Variants in FGF7 observed in about 807,000 individuals in gnomAD.
FGF7 encodes fibroblast growth factor 7, also known as FGF-7.
A neutral mutation model predicts 20.5 loss-of-function variants in FGF7; 6 were observed. The ratio of observed to expected loss-of-function variants is 0.29; its 90% CI spans 0.16 to 0.58. FGF7 has a LOEUF of 0.58. Among genes scored for constraint, FGF7 ranks in the 20% least tolerant of loss-of-function variants. The probability of loss-of-function intolerance (pLI) is 0.90; values close to 1 mark genes in which losing one functional copy is unlikely to be tolerated. For missense variants in FGF7, 144 were observed against 228.8 expected, an observed-to-expected ratio of 0.63 and a Z score of 2.39; for synonymous variants, 64 against 74.7, an observed-to-expected ratio of 0.86 and a Z score of 0.74.
chr15:49,457,260 T>C (rs567590420), intron 2 of FGF7, among the ~76,000 whole-genome samples: 41 of 151,978 alleles, frequency 2.7e-4, no homozygotes, highest in Non-Finnish European at 4.3e-4. Flanking sequence ...TACTATAATA[T>C]TCCAAATGCG....
intron 2 of FGF7, among the ~76,000 whole-genome samples, chr15:49,460,315 T>C (rs1486420673): frequency 6.6e-6 from 1 of 152,172 alleles, no homozygotes; most frequent in Non-Finnish European, 1.5e-5. Context: ...TAACAATATG[T>C]TGAGACAAAC....
intron 2 of FGF7, among the ~76,000 whole-genome samples, chr15:49,479,615 T>G (rs1276860898): frequency 2.2e-5 from 3 of 137,290 alleles, no homozygotes; most frequent in Admixed American, 7.3e-5. Context: ...TTTTTTTTTT[T>G]TTTTTTTTTT....
At chr15:49,479,860 C>T (rs936430095) in intron 2 of FGF7, among the ~76,000 whole-genome samples, 8 of 152,056 alleles carry the variant, frequency 5.3e-5, no homozygotes, top group Non-Finnish European at 8.8e-5. Flanking sequence ...GTGATCCACC[C>T]GCGTTGGCCT....
intron 2 of FGF7, among the ~76,000 whole-genome samples, chr15:49,476,356 T>A (rs1312234325): frequency 6.6e-6 from 1 of 151,774 alleles, no homozygotes; most frequent in East Asian, 1.9e-4. Flanking sequence ...GATATCATAA[T>A]TAAAGTAATC....
intron 2 of FGF7, among the ~76,000 whole-genome samples, chr15:49,479,267 T>A (rs1362617728): frequency 6.6e-6 from 1 of 152,198 alleles, no homozygotes; most frequent in Non-Finnish European, 1.5e-5. Context: ...TATTTATATT[T>A]TTGAACTCTA....
Position 49,488,313 on chromosome 15 carries a change from G to A in FGF7, c.*3809G>A, listed in dbSNP as rs1170372174. On this transcript the variant is annotated 3_prime_UTR_variant, in exon 4 of 4. Coordinates refer to ENST00000267843, the MANE Select transcript of FGF7 (RefSeq NM_002009.4). ...TTCTGTACAGTATTTATTCAACCAA[G>A]CTGCTGCTTTCAATGAAGGTCACTT... 1.3e-5 allele frequency: 2 copies of A among 151,944 alleles called. No homozygotes were observed. Among genetic ancestry groups the A allele is most frequent in the Non-Finnish European group, 2.9e-5 (2 of 67,928 alleles). The allele number at this position is 151,944 out of a possible 1,614,324, so 9.4% of individuals were successfully genotyped here.
intron 2 of FGF7, among the ~76,000 whole-genome samples, chr15:49,477,286 C>T (rs554183967): frequency 6.6e-5 from 10 of 152,254 alleles, no homozygotes; most frequent in South Asian, 6.2e-4. Flanking sequence ...TACAGTATTA[C>T]GCAGAATAGT....
intron 2 of FGF7, among the ~76,000 whole-genome samples, chr15:49,481,152 T>C (rs2055906565): frequency 6.6e-6 from 1 of 152,232 alleles, no homozygotes; most frequent in Non-Finnish European, 1.5e-5. Flanking sequence ...TATTTTACAA[T>C]GCTAAGATCT....
intron 2 of FGF7, among the ~76,000 whole-genome samples, chr15:49,453,808 T>C (rs1467330093): frequency 1.3e-5 from 2 of 152,112 alleles, no homozygotes; most frequent in East Asian, 1.9e-4. Context: ...TTCAGCACGT[T>C]CCCAATTGAA....
intron 2 of FGF7, among the ~76,000 whole-genome samples, chr15:49,457,892 C>T (rs1028144329): frequency 6.6e-6 from 1 of 151,852 alleles, no homozygotes; most frequent in African/African-American, 2.4e-5. Context: ...CATTTTTGTG[C>T]TAATTTTAGC....
chr15:49,484,517 T>G lies in FGF7; in HGVS notation c.*13T>G, dbSNP rs1448757628. On this transcript the variant is annotated 3_prime_UTR_variant, in exon 4 of 4. Transcript: ENST00000267843. ...GGCAATAACTTAATTGCATATGGTATATAAAGAACCAGTTCCAGCAGGGAG... is the reference window on the plus strand; with the variant it reads ...GGCAATAACTTAATTGCATATGGTAGATAAAGAACCAGTTCCAGCAGGGAG... The G allele has an allele frequency of 1.5e-6, 2 of 1,357,548 alleles. No homozygotes were observed. Among genetic ancestry groups the G allele is most frequent in the Middle Eastern group, 2.6e-4 (1 of 3,776 alleles). 84.1% of individuals were successfully genotyped at this position (1,357,548 alleles called of 1,614,324 possible). A position where few individuals can be genotyped will look rare whatever the true frequency, so the allele number is the denominator to read the frequency against.
intron 2 of FGF7, among the ~76,000 whole-genome samples, chr15:49,451,006 G>A (rs752935341): frequency 3.5e-4 from 53 of 152,188 alleles, no homozygotes; most frequent in Non-Finnish European, 6.3e-4. Context: ...GTATGTGTGT[G>A]AGTGGGGAAA....
chr15:49,463,832 TGTAA>T (rs2054019457), intron 2 of FGF7, among the ~76,000 whole-genome samples: 1 of 152,198 alleles, frequency 6.6e-6, no homozygotes. Context: ...AGGGGAAAAT[TGTAA>T]GTATTTGCTA....
intron 2 of FGF7, among the ~76,000 whole-genome samples, chr15:49,449,874 T>C (rs2052566072): frequency 6.6e-6 from 1 of 152,132 alleles, no homozygotes; most frequent in South Asian, 2.1e-4. Flanking sequence ...ACTGTCATCC[T>C]GTGAATTCTA....
chr15:49,469,104 T>G (rs920024763), intron 2 of FGF7, among the ~76,000 whole-genome samples: 2 of 152,174 alleles, frequency 1.3e-5, no homozygotes, highest in Non-Finnish European at 2.9e-5. Context: ...AGAAAATAAA[T>G]GACTCATAAA....
At chr15:49,456,119 T>A (rs893652840) in intron 2 of FGF7, among the ~76,000 whole-genome samples, 1 of 152,200 alleles carries the variant, frequency 6.6e-6, no homozygotes, top group African/African-American at 2.4e-5. Context: ...AGACTCTGTA[T>A]TATAATTTTG....
chr15:49,475,087 T>C (rs933962666), intron 2 of FGF7, among the ~76,000 whole-genome samples: 2 of 152,190 alleles, frequency 1.3e-5, no homozygotes, highest in African/African-American at 2.4e-5. Context: ...AAAAGATCTA[T>C]AGAATTGGTT....
At chr15:49,480,640 C>T (rs1463002438) in intron 2 of FGF7, among the ~76,000 whole-genome samples, 2 of 151,992 alleles carry the variant, frequency 1.3e-5, no homozygotes, top group East Asian at 1.9e-4. Context: ...CGCCACCACA[C>T]CCGGATAATT....
At chr15:49,426,744 T>C (rs1333538347) in intron 2 of FGF7, among the ~76,000 whole-genome samples, 1 of 151,954 alleles carries the variant, frequency 6.6e-6, no homozygotes, top group Non-Finnish European at 1.5e-5. Flanking sequence ...GAAGTCGCCC[T>C]ATATTGTTAT....
Sources: allele counts gnomAD v4.1 joint callset (sites outside exome capture counted in the v4.1 genomes callset), GRCh38; gene constraint gnomAD v4.1.1; transcripts MANE v1.5; gene names NCBI Gene and HGNC (gene_info 2026-07-23, HGNC 2026-07-21).